Variants in ZNF347 observed in about 807,000 individuals in gnomAD.
ZNF347 encodes the protein zinc finger protein 347, also known as CTD-2620I22.7.
Under a neutral mutation model 12.9 loss-of-function variants are expected in ZNF347, and 19 were observed. That is an observed-to-expected ratio of 1.47 (90% CI 1.03 to 2.16). The LOEUF is 2.16. Ranked by LOEUF, ZNF347 falls within the 30% of genes most tolerant of loss-of-function variation. The pLI is 0.00. For synonymous variants in ZNF347, 328 were observed against 340.6 expected (o/e 0.96, Z 0.41); for missense variants, 1,005 against 990.6 (o/e 1.01, Z -0.19).
chr19:53,156,500 T>C (rs1217237554), intron 1 of ZNF347, among the ~76,000 whole-genome samples: 1 of 152,224 alleles, frequency 6.6e-6, no homozygotes, highest in East Asian at 1.9e-4. Context: ...CAGTGGTAAC[T>C]GTCACTTATA....
rs1290937134 is a variant in ZNF347, at chr19:53,149,246, G to A, written c.137C>T (p.Ser46Phe). The A allele has an allele frequency of 1.2e-6, 2 of 1,612,280 alleles. No homozygotes were observed. Among genetic ancestry groups the A allele is most frequent in the African/African-American group, 1.3e-5 (1 of 74,768 alleles). The change falls in exon 3 of 5, where the codon TCC (serine) becomes TTC (phenylalanine). Residue 46 changes from serine to phenylalanine, a missense_variant. Coordinates refer to ENST00000334197, the MANE Select transcript of ZNF347 (RefSeq NM_032584.3). ...TGGAAGAAAGTCATCCTCACCCAGG[G>A]AGGCCAGGTTCCTATAATTCTCCAA... ...VMLENYRNLA[S>F]LGISCFDLSI...
chr19:53,151,890 C>T (rs2090500416), intron 2 of ZNF347, among the ~76,000 whole-genome samples: 1 of 152,032 alleles, frequency 6.6e-6, no homozygotes, highest in Non-Finnish European at 1.5e-5. Context: ...GTCAGGAGTT[C>T]GAGACCAGCC....
chr19:53,149,188 A>G lies in ZNF347; in HGVS notation c.142+53T>C, dbSNP rs995667374. 8.8e-6 allele frequency: 14 copies of G among 1,596,164 alleles called. No homozygotes were observed. In the African/African-American group the frequency reaches 1.6e-4, roughly 19 times the overall value. On this transcript the variant is annotated intron_variant, in intron 3 of 4. Transcript: ENST00000334197. ...AGCTCCCAGGAGAGCCACATGGAAA[A>G]TGAAAAGATACACAGGGGCAGATCC...
intron 2 of ZNF347, among the ~76,000 whole-genome samples, chr19:53,150,294 C>T (rs1386624132): frequency 5.9e-5 from 9 of 152,182 alleles, no homozygotes; most frequent in Non-Finnish European, 1.0e-4. Context: ...AAACCCAGGA[C>T]ATCTGGGATC....
intron 4 of ZNF347, 48 bp downstream of exon 4, chr19:53,148,633 A>T: frequency 6.4e-7 from 1 of 1,574,096 alleles, no homozygotes; most frequent in Non-Finnish European, 8.6e-7. Context: ...AGAGTTTCCC[A>T]AACACTATTT....
rs1380537460 is a variant in ZNF347 at position 53,140,739 on chromosome 19, C to A, written c.2089G>T (p.Ala697Ser). ...GKAFSQTSKL[A>S]RHQRVHTGEK... is the part of the protein sequence containing the mutation. Reference sequence around the variant, plus strand: ...CCAGTATGAACTCTCTGATGCCTTGCAAGCTTTGATGTTTGACTAAAGGCT... The same window carrying A: ...CCAGTATGAACTCTCTGATGCCTTGAAAGCTTTGATGTTTGACTAAAGGCT... Residue 697 changes from alanine to serine, a missense_variant, in exon 5 of 5, where the codon GCA becomes TCA. Ala to Ser is a moderately conservative substitution (Grantham distance 99). Transcript: ENST00000334197. The A allele has an allele frequency of 1.2e-6, 2 of 1,612,220 alleles. No individual in the cohort carries two copies. Among genetic ancestry groups the A allele is most frequent in the Admixed American group, 1.7e-5 (1 of 59,844 alleles).
At chr19:53,150,939 C>T (rs542914851) in intron 2 of ZNF347, among the ~76,000 whole-genome samples, 1 of 152,274 alleles carries the variant, frequency 6.6e-6, no homozygotes, top group African/African-American at 2.4e-5. Context: ...GGGGTTTCAC[C>T]ATGTTGACCA....
chr19:53,148,874 C>T, intron 3 of ZNF347, 65 bp from the exon 4 acceptor site: 1 of 1,562,378 alleles, frequency 6.4e-7, no homozygotes, highest in Non-Finnish European at 8.7e-7. Context: ...CCTATGTTTA[C>T]ATGAGGAGGG....
At chr19:53,155,813 C>G (rs1287347093) in intron 1 of ZNF347, among the ~76,000 whole-genome samples, 1 of 152,144 alleles carries the variant, frequency 6.6e-6, no homozygotes, top group Non-Finnish European at 1.5e-5. Context: ...GCAGGGCCAG[C>G]AGCAGCCAGA....
At chr19:53,154,799 GATTCAAGCAAGA>G (rs1318548557) in intron 1 of ZNF347, among the ~76,000 whole-genome samples, 13 of 151,564 alleles carry the variant, frequency 8.6e-5, no homozygotes, top group African/African-American at 2.4e-4. Context: ...ATGAGAGCTT[GATTCAAGCAAGA>G]GTTCAAGCAA....
chr19:53,141,582 G>GGT lies in ZNF347; in HGVS notation c.1244_1245dup (p.Leu416ThrfsTer30), dbSNP rs758967968. On this transcript the variant is annotated frameshift_variant, in exon 5 of 5. Transcript: ENST00000334197. LOFTEE classifies it low-confidence loss of function (END_TRUNC). ...GTGTGAATTCTCCAGTGATTTGTAA[G>GGT]GTGTGAATTTTGAGTGAAGACCTTG... The GGT allele has an allele frequency of 6.2e-7, 1 of 1,614,004 alleles. No homozygotes were observed. The highest frequency in any genetic ancestry group is 1.7e-5 in the Admixed American group (1 of 59,994).
At chr19:53,156,044 TC>T (rs1357242844) in intron 1 of ZNF347, among the ~76,000 whole-genome samples, 18 of 1,484 alleles carry the variant, frequency 0.012, no homozygotes, top group African/African-American at 0.024. Context: ...GACTCCCAGC[TC>T]GGGGGGGGGG....
At chr19:53,151,394 C>G (rs999023062) in intron 2 of ZNF347, among the ~76,000 whole-genome samples, 1 of 151,824 alleles carries the variant, frequency 6.6e-6, no homozygotes, top group Non-Finnish European at 1.5e-5. Context: ...AAAAATTAGC[C>G]AGGCATGGTG....
chr19:53,142,935 A>C (rs2146801419), intron 4 of ZNF347, among the ~76,000 whole-genome samples: 1 of 152,332 alleles, frequency 6.6e-6, no homozygotes, highest in East Asian at 1.9e-4. Context: ...TTCAAATCCA[A>C]AGAAAATGAC....
In ZNF347 at chr19:53,148,728, A is replaced by G. The variant is rs1268243809; in HGVS notation, c.224T>C (p.Ile75Thr). ...TTCCCATCCATCTGGGTTTCCTGCT[A>G]TTTGTACTTGGCTCTCCAAAGTGAA... ...EPFTLESQVQ[I>T]AGNPDGWEWI... The change falls in exon 4 of 5, where the codon ATA (isoleucine) becomes ACA (threonine). Residue 75 changes from isoleucine (I) to threonine (T), a missense_variant. Physicochemically the swap from Ile to Thr is moderately conservative, Grantham distance 89. Coordinates refer to ENST00000334197, the MANE Select transcript of ZNF347 (RefSeq NM_032584.3). 1.2e-6 allele frequency: 2 copies of G among 1,613,878 alleles called. No homozygotes were observed. The highest frequency in any genetic ancestry group is 1.7e-6 in the Non-Finnish European group (2 of 1,179,940).
In ZNF347 at chr19:53,141,566, C is replaced by T; in HGVS notation, c.1262G>A (p.Arg421Lys). 1 of 1,613,664 alleles carries T rather than the reference C, an allele frequency of 6.2e-7. No individual in the cohort carries two copies. Among genetic ancestry groups the T allele is most frequent in the East Asian group, 2.2e-5 (1 of 44,852 alleles). Residue 421 changes from arginine to lysine, a missense_variant, in exon 5 of 5, where the codon AGA (arginine) becomes AAA (lysine). Arg to Lys is a conservative substitution (Grantham distance 26). Coordinates refer to ENST00000334197, the MANE Select transcript of ZNF347 (RefSeq NM_032584.3). ...TQNSHLTNHWRIHTGEKPYKC... is the reference protein window; with the variant it reads ...TQNSHLTNHWKIHTGEKPYKC... The stretch of plus-strand genomic sequence containing the variant: ...GTAAGGTTTCTCTCCAGTGTGAATT[C>T]TCCAGTGATTTGTAAGGTGTGAATT...
rs764187137 is a variant in ZNF347 at position 53,153,785 on chromosome 19, G to A, written c.-38C>T. 3.1e-6 allele frequency: 5 copies of A among 1,613,780 alleles called. No homozygotes were observed. The African/African-American group carries it at 6.7e-5, about 22-fold the overall frequency. ...TTTCTTTCCTCTTCCTCTTCTTCAAGGGTTCTTCCTTAGGTAACAGGAAAG... is the reference window on the plus strand; with the variant it reads ...TTTCTTTCCTCTTCCTCTTCTTCAAAGGTTCTTCCTTAGGTAACAGGAAAG... On this transcript the variant is annotated 5_prime_UTR_variant, in exon 2 of 5. Coordinates refer to ENST00000334197, the MANE Select transcript of ZNF347 (RefSeq NM_032584.3).
intron 2 of ZNF347, among the ~76,000 whole-genome samples, chr19:53,152,346 C>T (rs1212975407): frequency 6.6e-6 from 1 of 152,074 alleles, no homozygotes; most frequent in Non-Finnish European, 1.5e-5. Flanking sequence ...GTGGCTCACG[C>T]CTGTAATCCC....
chr19:53,142,184 T>C lies in ZNF347; in HGVS notation c.644A>G (p.Asn215Ser), dbSNP rs542052974. The C allele has an allele frequency of 1.9e-6, 3 of 1,614,056 alleles. No homozygotes were observed. The highest frequency in any genetic ancestry group is 4.5e-5 in the East Asian group (2 of 44,866). ...YECNQVEKSFNNNSSVSPPQQ... is the reference protein window; with the variant it reads ...YECNQVEKSFSNNSSVSPPQQ... Reference sequence around the variant, plus strand: ...AGGTGGTGAAACTGAGGAATTATTGTTGAAAGACTTCTCAACCTGATTACA... The same window carrying C: ...AGGTGGTGAAACTGAGGAATTATTGCTGAAAGACTTCTCAACCTGATTACA... The change falls in exon 5 of 5, where the codon AAC (asparagine) becomes AGC (serine). Residue 215 changes from asparagine (N) to serine (S), a missense_variant. Asn to Ser is a conservative substitution (Grantham distance 46). Coordinates refer to ENST00000334197, the MANE Select transcript of ZNF347 (RefSeq NM_032584.3).
Sources: allele counts gnomAD v4.1 joint callset (sites outside exome capture counted in the v4.1 genomes callset), GRCh38; gene constraint gnomAD v4.1.1; transcripts MANE v1.5; gene names NCBI Gene and HGNC (gene_info 2026-07-23, HGNC 2026-07-21).